Variants in STK31 observed in about 807,000 individuals in gnomAD.
STK31 encodes serine/threonine-protein kinase 31.
STK31 carries 89 observed loss-of-function variants against 129.7 expected under a neutral mutation model. That is an observed-to-expected ratio of 0.69 (90% CI 0.58 to 0.82). The LOEUF (loss-of-function observed/expected upper bound fraction) is 0.82, where lower values mean the gene tolerates loss of function less well. STK31 is among the 40% of genes least tolerant of loss of function. The pLI, the probability that STK31 is intolerant of heterozygous loss-of-function variation, is 0.00. For synonymous variants in STK31, 448 were observed against 395.3 expected (o/e 1.13, Z -1.58); for missense variants, 1,187 against 1,176.4 (o/e 1.01, Z -0.13).
chr7:23,821,032 T>C (rs180987076), intron 23 of STK31, among the ~76,000 whole-genome samples: 132 of 152,316 alleles, frequency 8.7e-4, no homozygotes, highest in Non-Finnish European at 1.0e-3. Flanking sequence ...ATTTCCTTTT[T>C]ATTTTGATGA....
chr7:23,744,449 T>C (rs986485405), intron 8 of STK31, among the ~76,000 whole-genome samples: 1 of 152,186 alleles, frequency 6.6e-6, no homozygotes, highest in Non-Finnish European at 1.5e-5. Flanking sequence ...AATTTCAGAA[T>C]TTCTTTTTGA....
chr7:23,714,576 A>G (rs1167862992), intron 3 of STK31, among the ~76,000 whole-genome samples: 2 of 152,246 alleles, frequency 1.3e-5, no homozygotes, highest in South Asian at 2.1e-4. Flanking sequence ...TAGCATAAAA[A>G]TGTGAACAGG....
intron 15 of STK31, among the ~76,000 whole-genome samples, chr7:23,779,279 C>G (rs912108417): frequency 2.0e-5 from 3 of 152,146 alleles, no homozygotes; most frequent in Non-Finnish European, 4.4e-5. Flanking sequence ...TCTGTCGTCC[C>G]CTGCTGGGAG....
chr7:23,755,658 T>G (rs1489622333), intron 10 of STK31, among the ~76,000 whole-genome samples: 5 of 152,222 alleles, frequency 3.3e-5, no homozygotes, highest in Non-Finnish European at 1.5e-5. Context: ...CTTTAATCCA[T>G]CTAGAGTTAA....
At chr7:23,807,761 GTTA>G (rs1183601407) in intron 22 of STK31, among the ~76,000 whole-genome samples, 2 of 151,684 alleles carry the variant, frequency 1.3e-5, no homozygotes, top group African/African-American at 4.8e-5. Context: ...GTTCAAATGG[GTTA>G]TTTTCTATTT....
intron 22 of STK31, chr7:23,811,390 C>G (rs1329960026): frequency 2.9e-6 from 1 of 343,244 alleles, no homozygotes; most frequent in African/African-American, 2.2e-5. Flanking sequence ...CTTTCATATA[C>G]ATCTTGTAGG....
At chr7:23,823,928 G>A (rs1489040240) in intron 23 of STK31, among the ~76,000 whole-genome samples, 2 of 152,102 alleles carry the variant, frequency 1.3e-5, no homozygotes, top group African/African-American at 2.4e-5. Flanking sequence ...TATTATTTCT[G>A]AGGCCTCTGT....
chr7:23,804,504 A>G (rs1792571552), intron 22 of STK31, among the ~76,000 whole-genome samples: 1 of 152,204 alleles, frequency 6.6e-6, no homozygotes, highest in South Asian at 2.1e-4. Flanking sequence ...TTTAAAAAAT[A>G]GTTCCATGTT....
intron 14 of STK31, chr7:23,771,393 GA>G (rs1182597886): frequency 1.4e-5 from 3 of 216,696 alleles, no homozygotes; most frequent in Admixed American, 1.1e-4. Flanking sequence ...GCTATATACA[GA>G]AAGATAAGAA....
At chr7:23,716,071 G>GT (rs1241242522) in intron 3 of STK31, among the ~76,000 whole-genome samples, 2 of 152,072 alleles carry the variant, frequency 1.3e-5, no homozygotes, top group East Asian at 3.9e-4. Flanking sequence ...AATTTTAGCA[G>GT]TTTTTTGTCT....
At chr7:23,829,772 G>T (rs1794430389) in intron 23 of STK31, among the ~76,000 whole-genome samples, 1 of 152,200 alleles carries the variant, frequency 6.6e-6, no homozygotes, top group African/African-American at 2.4e-5. Flanking sequence ...ACTTTTCTAT[G>T]TTGGGAGACT....
intron 22 of STK31, among the ~76,000 whole-genome samples, chr7:23,798,675 C>A: frequency 6.6e-6 from 1 of 152,122 alleles, no homozygotes; most frequent in East Asian, 1.9e-4. Context: ...GAAGCATTCC[C>A]TTGAAAACTG....
chr7:23,737,220 A>T (rs1787771823), intron 8 of STK31, 142 bp downstream of exon 8: 2 of 616,652 alleles, frequency 3.2e-6, no homozygotes, highest in South Asian at 7.1e-5. Flanking sequence ...TTATAGGTGA[A>T]TTTTTTTTCA....
chr7:23,805,547 C>T (rs370073975), intron 22 of STK31, among the ~76,000 whole-genome samples: 1 of 152,082 alleles, frequency 6.6e-6, no homozygotes, highest in Non-Finnish European at 1.5e-5. Flanking sequence ...TGCAGTGGCA[C>T]TATACAGCTC....
At chr7:23,737,889 GTGTGTA>G (rs986111705) in intron 8 of STK31, among the ~76,000 whole-genome samples, 21 of 129,370 alleles carry the variant, frequency 1.6e-4, no homozygotes, top group South Asian at 5.0e-4. Flanking sequence ...GTGTGTGTGT[GTGTGTA>G]TGTGTGTTTA....
At chr7:23,813,086 T>A (rs866151661) in intron 22 of STK31, among the ~76,000 whole-genome samples, 1 of 121,034 alleles carries the variant, frequency 8.3e-6, no homozygotes, top group African/African-American at 3.8e-5. Flanking sequence ...TTCTTTTTTT[T>A]TTTTTTTTTT....
chr7:23,763,116 A>G (rs984337320), intron 11 of STK31, among the ~76,000 whole-genome samples, 193 bp downstream of exon 11: 32 of 152,176 alleles, frequency 2.1e-4, no homozygotes, highest in Admixed American at 4.6e-4. Context: ...TTATATGCAT[A>G]TCTATCTTGC....
intron 16 of STK31, among the ~76,000 whole-genome samples, chr7:23,781,779 G>A (rs1790941911): frequency 6.6e-6 from 1 of 152,144 alleles, no homozygotes; most frequent in African/African-American, 2.4e-5. Flanking sequence ...TCCACTCAGT[G>A]ATAATAGTAG....
intron 23 of STK31, among the ~76,000 whole-genome samples, chr7:23,815,909 G>A (rs1235470827): frequency 6.6e-6 from 1 of 152,062 alleles, no homozygotes; most frequent in Admixed American, 6.6e-5. Flanking sequence ...GATAAATATG[G>A]CAGTAAATGA....
Sources: gnomAD v4.1 joint callset for allele counts (sites outside exome capture counted in the v4.1 genomes callset) on GRCh38, gnomAD v4.1.1 for gene constraint, MANE v1.5 for transcripts, NCBI Gene and HGNC (gene_info 2026-07-23, HGNC 2026-07-21) for gene names.